The following FMNL2 variants were observed in gnomAD, a reference collection of about 807,000 sequenced individuals.
FMNL2 encodes formin-like protein 2.
In FMNL2, 51 loss-of-function variants were observed where a neutral mutation model predicts 130.2. The ratio of observed to expected loss-of-function variants is 0.39; its 90% CI spans 0.31 to 0.49. FMNL2 has a LOEUF of 0.49. Ranked by LOEUF, FMNL2 falls within the 20% of genes least tolerant of loss-of-function variation. The probability of loss-of-function intolerance (pLI) is 0.85; values close to 1 mark genes in which losing one functional copy is unlikely to be tolerated. For missense variants in FMNL2, 977 were observed against 1,316.2 expected, an observed-to-expected ratio of 0.74 and a Z score of 3.99; for synonymous variants, 465 against 467.1, an observed-to-expected ratio of 1.00 and a Z score of 0.06.
chr2:152,396,218 A>G (rs1464389227), intron 1 of FMNL2, among the ~76,000 whole-genome samples: 1 of 152,200 alleles, frequency 6.6e-6, no homozygotes, highest in East Asian at 1.9e-4. Flanking sequence ...TGGGGGAGCT[A>G]GAAGAACTTG....
Position 152,647,908 on chromosome 2 carries a change from C to A in FMNL2, c.*3C>A. The A allele has an allele frequency of 6.2e-7, 1 of 1,609,896 alleles. No homozygotes were observed. The highest frequency in any genetic ancestry group is 1.1e-5 in the South Asian group (1 of 90,532). On this transcript the variant is annotated 3_prime_UTR_variant, in exon 26 of 26. Transcript: ENST00000288670. ...ATGGTGCCGAAATAACAATGTGAAC[C>A]TGAGACTGGCCTGCATGAATACAGG...
At chr2:152,538,121 C>T (rs776988914) in intron 2 of FMNL2, among the ~76,000 whole-genome samples, 1 of 152,172 alleles carries the variant, frequency 6.6e-6, no homozygotes, top group African/African-American at 2.4e-5. Flanking sequence ...TTTGAAATAT[C>T]TCACTAAAAG....
chr2:152,627,059 CAT>C (rs1559022249), intron 17 of FMNL2, among the ~76,000 whole-genome samples: 1 of 152,190 alleles, frequency 6.6e-6, no homozygotes, highest in Non-Finnish European at 1.5e-5. Flanking sequence ...GCAATGCTTA[CAT>C]AAAAGGAAAG....
At chr2:152,562,053 G>A (rs912502572) in intron 6 of FMNL2, among the ~76,000 whole-genome samples, 1 of 152,098 alleles carries the variant, frequency 6.6e-6, no homozygotes, top group Non-Finnish European at 1.5e-5. Flanking sequence ...AAATATTTTT[G>A]TGCTTCTTAT....
chr2:152,447,718 CT>C (rs1411450579), intron 1 of FMNL2, among the ~76,000 whole-genome samples: 4 of 152,152 alleles, frequency 2.6e-5, no homozygotes, highest in Non-Finnish European at 5.9e-5. Flanking sequence ...CTGCTAATAA[CT>C]TCCTTACTGG....
chr2:152,560,508 G>C (rs756815363), intron 5 of FMNL2, among the ~76,000 whole-genome samples: 1 of 152,142 alleles, frequency 6.6e-6, no homozygotes, highest in Non-Finnish European at 1.5e-5. Flanking sequence ...ATTAGTATAA[G>C]CCTAACATAT....
At chr2:152,452,123 T>C (rs1436532836) in intron 1 of FMNL2, among the ~76,000 whole-genome samples, 5 of 152,348 alleles carry the variant, frequency 3.3e-5, no homozygotes, top group Middle Eastern at 3.4e-3. Context: ...AATACATTTG[T>C]TGCTTTGGCA....
chr2:152,648,960 T>C lies in FMNL2; in HGVS notation c.*1055T>C, dbSNP rs1032823676. 2 of 152,628 alleles carry C rather than the reference T, an allele frequency of 1.3e-5. No individual in the cohort carries two copies. Among genetic ancestry groups the C allele is most frequent in the African/African-American group, 2.4e-5 (1 of 41,460 alleles). The allele number at this position is 152,628 out of a possible 1,614,324, so 9.5% of individuals were successfully genotyped here. A position where few individuals can be genotyped will look rare whatever the true frequency, so the allele number is the denominator to read the frequency against. On this transcript the variant is annotated 3_prime_UTR_variant, in exon 26 of 26. Coordinates refer to ENST00000288670, the MANE Select transcript of FMNL2 (RefSeq NM_052905.4). The stretch of plus-strand genomic sequence containing the variant: ...TTAAATAATACGTAATGGGACTAGA[T>C]GGCCCACTAAGCCACTGTTATTTTC...
chr2:152,611,447 G>A, intron 10 of FMNL2, 48 bp from the exon 11 acceptor site: 1 of 1,092,636 alleles, frequency 9.2e-7, no homozygotes, highest in Non-Finnish European at 1.3e-6. Flanking sequence ...CAGTTAAACT[G>A]AGAAAAAAGT....
chr2:152,555,389 C>G (rs2105564743), intron 4 of FMNL2, among the ~76,000 whole-genome samples: 1 of 152,296 alleles, frequency 6.6e-6, no homozygotes, highest in South Asian at 2.1e-4. Flanking sequence ...TGTAGGACCT[C>G]TCTCTAGAGG....
intron 7 of FMNL2, among the ~76,000 whole-genome samples, chr2:152,577,814 G>C (rs1029454086): frequency 1.4e-4 from 22 of 152,284 alleles, no homozygotes; most frequent in African/African-American, 5.3e-4. Context: ...GATTGGAGTG[G>C]TTTCAAGAAT....
At chr2:152,441,077 A>G (rs1688024229) in intron 1 of FMNL2, among the ~76,000 whole-genome samples, 1 of 152,220 alleles carries the variant, frequency 6.6e-6, no homozygotes, top group Non-Finnish European at 1.5e-5. Flanking sequence ...ATATGTGCAG[A>G]GCACTAAATG....
At chr2:152,383,575 A>G (rs563898608) in intron 1 of FMNL2, among the ~76,000 whole-genome samples, 1 of 152,266 alleles carries the variant, frequency 6.6e-6, no homozygotes, top group South Asian at 2.1e-4. Context: ...TTTCAAATCA[A>G]AAAACCAAAA....
At chr2:152,574,070 A>G (rs561173486) in intron 6 of FMNL2, among the ~76,000 whole-genome samples, 13 of 152,324 alleles carry the variant, frequency 8.5e-5, no homozygotes, top group Admixed American at 2.6e-4. Context: ...GAAAGAGACT[A>G]TTGCAATATA....
At chr2:152,366,607 A>G (rs1035530231) in intron 1 of FMNL2, among the ~76,000 whole-genome samples, 15 of 152,290 alleles carry the variant, frequency 9.8e-5, no homozygotes, top group African/African-American at 3.4e-4. Context: ...CAGGGTCTAG[A>G]TAAGCAAAAA....
chr2:152,645,414 T>G, intron 25 of FMNL2: 1 of 1,262,418 alleles, frequency 7.9e-7, no homozygotes, highest in Non-Finnish European at 1.0e-6. Context: ...CATTTTGTGT[T>G]TTTGTTTTTT....
At chr2:152,558,513 C>T (rs922681625) in intron 4 of FMNL2, among the ~76,000 whole-genome samples, 9 of 152,128 alleles carry the variant, frequency 5.9e-5, no homozygotes, top group South Asian at 2.1e-4. Context: ...AGATGGCCCA[C>T]GTGTACTTTT....
intron 22 of FMNL2, among the ~76,000 whole-genome samples, chr2:152,636,918 G>A (rs925858758): frequency 1.4e-4 from 22 of 152,254 alleles, no homozygotes; most frequent in Non-Finnish European, 2.4e-4. Context: ...TGTTTCCTGT[G>A]TAGTGGGTTT....
At chr2:152,422,241 G>A (rs1405111619) in intron 1 of FMNL2, among the ~76,000 whole-genome samples, 1 of 152,150 alleles carries the variant, frequency 6.6e-6, no homozygotes, top group Non-Finnish European at 1.5e-5. Context: ...GAAGCTGAAA[G>A]CCTCCTAGGG....
Sources: allele counts gnomAD v4.1 joint callset (sites outside exome capture counted in the v4.1 genomes callset), GRCh38; gene constraint gnomAD v4.1.1; transcripts MANE v1.5; gene names NCBI Gene and HGNC (gene_info 2026-07-23, HGNC 2026-07-21).